The following SORBS2 variants were observed in gnomAD, a reference collection of about 807,000 sequenced individuals.
The protein encoded by SORBS2 is sorbin and SH3 domain-containing protein 2.
Under a neutral mutation model 97.7 loss-of-function variants are expected in SORBS2, and 46 were observed. The ratio of observed to expected loss-of-function variants is 0.47; its 90% CI spans 0.37 to 0.60. The LOEUF (loss-of-function observed/expected upper bound fraction) is 0.60. SORBS2 is among the 20% of genes least tolerant of loss of function. SORBS2 has a pLI of 0.00. For synonymous variants in SORBS2, 476 were observed against 473.4 expected (o/e 1.01, Z -0.07); for missense variants, 1,316 against 1,282.3 (o/e 1.03, Z -0.40).
intron 12 of SORBS2, among the ~76,000 whole-genome samples, chr4:185,603,417 A>G (rs1418627211): frequency 2.0e-5 from 3 of 152,236 alleles, no homozygotes; most frequent in African/African-American, 4.8e-5. Context: ...AGCAAAAGCA[A>G]TTAAAGTGTT....
At chr4:185,745,871 C>T (rs566830231) in intron 2 of SORBS2, among the ~76,000 whole-genome samples, 1 of 152,260 alleles carries the variant, frequency 6.6e-6, no homozygotes, top group South Asian at 2.1e-4. Context: ...GCCATTTTGG[C>T]CTCTCTGAAA....
At chr4:185,613,320 G>A (rs111838990) in intron 11 of SORBS2, among the ~76,000 whole-genome samples, 1 of 152,230 alleles carries the variant, frequency 6.6e-6, no homozygotes, top group African/African-American at 2.4e-5. Context: ...TTGATTTTGT[G>A]TGCTTCACCA....
At chr4:185,679,328 C>A (rs1387998519) in intron 2 of SORBS2, among the ~76,000 whole-genome samples, 3 of 152,048 alleles carry the variant, frequency 2.0e-5, no homozygotes, top group African/African-American at 7.2e-5. Flanking sequence ...TCAAATTATT[C>A]TCGAGACTGA....
At chr4:185,805,018 CAAAAGAAAA>C (rs2099147123) in intron 1 of SORBS2, among the ~76,000 whole-genome samples, 3 of 151,806 alleles carry the variant, frequency 2.0e-5, no homozygotes, top group African/African-American at 7.3e-5. Context: ...TTTTATTTTA[CAAAAGAAAA>C]TTTTAACTCT....
intron 12 of SORBS2, among the ~76,000 whole-genome samples, chr4:185,609,142 A>G (rs1053432937): frequency 1.3e-5 from 2 of 152,142 alleles, no homozygotes; most frequent in Admixed American, 1.3e-4. Context: ...CTAGGTAGAC[A>G]GCCACTCCTG....
intron 1 of SORBS2, among the ~76,000 whole-genome samples, chr4:185,898,081 G>T (rs2099245912): frequency 6.6e-6 from 1 of 152,138 alleles, no homozygotes; most frequent in African/African-American, 2.4e-5. Context: ...CACAGCAGGG[G>T]CTAACATTCC....
Position 185,811,480 on chromosome 4 carries a change from A to G in SORBS2, c.-337-36114T>C, listed in dbSNP as rs185185437. 1.5e-4 allele frequency among the ~76,000 whole-genome samples: 23 copies of G among 152,304 alleles called. 1 individual carries two copies. In the East Asian group the frequency reaches 2.7e-3, roughly 18 times the overall value. ...TTATCTTCCAATTGCTAGAACCAAAATTCACTGAAACAACTCTATGTCTCT... is the reference window on the plus strand; with the variant it reads ...TTATCTTCCAATTGCTAGAACCAAAGTTCACTGAAACAACTCTATGTCTCT... On this transcript the variant is annotated intron_variant, in intron 1 of 20. Transcript: ENST00000284776.
intron 1 of SORBS2, among the ~76,000 whole-genome samples, chr4:185,952,063 T>C (rs1448203450): frequency 6.7e-6 from 1 of 148,230 alleles, no homozygotes; most frequent in Non-Finnish European, 1.5e-5. Flanking sequence ...TCTCACTCTG[T>C]CGCCAGGCTG....
At chr4:185,662,035 A>G in intron 5 of SORBS2, 69 bp downstream of exon 8, 1 of 1,568,032 alleles carries the variant, frequency 6.4e-7, no homozygotes, top group Non-Finnish European at 8.7e-7. Flanking sequence ...GATGCCGCAT[A>G]TCTTTCTCCT....
chr4:185,835,013 AAGTG>A (rs953808521), intron 1 of SORBS2, among the ~76,000 whole-genome samples: 2 of 152,174 alleles, frequency 1.3e-5, no homozygotes, highest in African/African-American at 4.8e-5. Context: ...GTTCTCGTGA[AAGTG>A]AGTGAGTTCC....
intron 1 of SORBS2, among the ~76,000 whole-genome samples, chr4:185,849,711 G>GA (rs1348471965): frequency 6.6e-6 from 1 of 152,140 alleles, no homozygotes; most frequent in African/African-American, 2.4e-5. Flanking sequence ...CTATAAAATA[G>GA]AAAATCAGCT....
intron 1 of SORBS2, among the ~76,000 whole-genome samples, chr4:185,787,601 A>T (rs907057796): frequency 6.6e-6 from 1 of 152,116 alleles, no homozygotes; most frequent in East Asian, 1.9e-4. Context: ...TTTTTAATTT[A>T]CAAAAGTTTT....
At chr4:185,928,881 A>G (rs918510584) in intron 1 of SORBS2, among the ~76,000 whole-genome samples, 3 of 152,156 alleles carry the variant, frequency 2.0e-5, no homozygotes, top group Non-Finnish European at 4.4e-5. Context: ...TTCAGGGATC[A>G]TGCAGGTATC....
At chr4:185,657,391 C>A, upstream of SORBS2, 1 of 1,505,502 alleles carries the variant, frequency 6.6e-7, no homozygotes, top group Non-Finnish European at 8.8e-7. Flanking sequence ...CTGTGCACAG[C>A]CCCAGACAGA....
At chr4:185,837,621 A>T (rs909496814) in intron 1 of SORBS2, among the ~76,000 whole-genome samples, 2 of 152,210 alleles carry the variant, frequency 1.3e-5, no homozygotes, top group Non-Finnish European at 2.9e-5. Context: ...AAACTTAGAA[A>T]CGGAACCTCT....
chr4:185,864,322 A>C (rs2099225593), intron 1 of SORBS2, among the ~76,000 whole-genome samples: 1 of 152,226 alleles, frequency 6.6e-6, no homozygotes. Flanking sequence ...AGAGATTAAA[A>C]GCCCTGAAAA....
chr4:185,710,959 T>G (rs888011638), intron 2 of SORBS2, among the ~76,000 whole-genome samples: 1 of 151,872 alleles, frequency 6.6e-6, no homozygotes, highest in Non-Finnish European at 1.5e-5. Context: ...TAATTTGGGA[T>G]AACTTTATTT....
At chr4:185,640,438 A>G (rs2097107574) in intron 4 of SORBS2, among the ~76,000 whole-genome samples, 3 of 152,282 alleles carry the variant, frequency 2.0e-5, no homozygotes, top group Admixed American at 6.5e-5. Flanking sequence ...TTATTTTTGT[A>G]ATAAATAAAT....
At chr4:185,854,278 G>A (rs1302594499) in intron 1 of SORBS2, among the ~76,000 whole-genome samples, 1 of 152,138 alleles carries the variant, frequency 6.6e-6, no homozygotes, top group Non-Finnish European at 1.5e-5. Flanking sequence ...GCTTGGCTAC[G>A]AAATGCAGTG....
Sources: gnomAD v4.1 joint callset for allele counts (sites outside exome capture counted in the v4.1 genomes callset) on GRCh38, gnomAD v4.1.1 for gene constraint, MANE v1.5 for transcripts, NCBI Gene and HGNC (gene_info 2026-07-23, HGNC 2026-07-21) for gene names.